Variants in MROH1 observed in about 807,000 individuals in gnomAD.
MROH1 encodes the protein maestro heat-like repeat-containing protein family member 1.
A neutral mutation model predicts 116.5 loss-of-function variants in MROH1; 117 were observed. The ratio of observed to expected loss-of-function variants is 1.00; its 90% CI spans 0.86 to 1.17. The LOEUF is 1.17. Ranked by LOEUF, MROH1 falls within the 50% of genes most tolerant of loss-of-function variation. The pLI is 0.00. For missense variants in MROH1, 1,873 were observed against 1,338.5 expected (o/e 1.40, Z -6.23); for synonymous variants, 921 against 583.9 (o/e 1.58, Z -8.32).
intron 12 of MROH1, among the ~76,000 whole-genome samples, chr8:144,209,332 G>A (rs1833578789): frequency 6.6e-6 from 1 of 151,954 alleles, no homozygotes; most frequent in Non-Finnish European, 1.5e-5. Context: ...TGTAATCCCG[G>A]CACTTTGGGA....
intron 7 of MROH1, among the ~76,000 whole-genome samples, chr8:144,185,524 G>A (rs934234697): frequency 4.8e-5 from 7 of 145,970 alleles, no homozygotes; most frequent in African/African-American, 1.8e-4. Context: ...CGGGGACCGC[G>A]GGGAGATGTG....
At chr8:144,244,024 G>A (rs1308510664) in intron 26 of MROH1, 82 bp downstream of exon 26, 12 of 739,708 alleles carry the variant, frequency 1.6e-5, no homozygotes, top group African/African-American at 6.9e-5. Context: ...ACGTGTATGC[G>A]CGTGTGCATG....
At chr8:144,242,115 G>A (rs1231850635) in intron 22 of MROH1, 11 of 585,084 alleles carry the variant, frequency 1.9e-5, no homozygotes, top group South Asian at 1.2e-4. Context: ...CTGCTACCTC[G>A]GCCCTTGGCC....
At chr8:144,199,090 G>A in intron 10 of MROH1, 32 bp from the exon 11 acceptor site, 2 of 1,604,300 alleles carry the variant, frequency 1.2e-6, no homozygotes, top group Non-Finnish European at 1.7e-6. Flanking sequence ...TGGCCTCTCT[G>A]GTCTATAACC....
At chr8:144,170,537 G>A (rs561439132) in intron 4 of MROH1, among the ~76,000 whole-genome samples, 3 of 152,102 alleles carry the variant, frequency 2.0e-5, no homozygotes, top group Non-Finnish European at 2.9e-5. Flanking sequence ...TTTGCACTTC[G>A]CTTGATTGCG....
intron 37 of MROH1, among the ~76,000 whole-genome samples, chr8:144,259,592 A>G (rs918831947): frequency 2.0e-3 from 299 of 152,302 alleles, no homozygotes; most frequent in Admixed American, 5.2e-3. Flanking sequence ...ACTCTCCCCA[A>G]GTCCAGCTGG....
intron 5 of MROH1, among the ~76,000 whole-genome samples, chr8:144,179,817 G>A (rs956399908): frequency 1.3e-5 from 2 of 152,302 alleles, no homozygotes; most frequent in Admixed American, 6.5e-5. Flanking sequence ...CTCAGCACAC[G>A]CAGGACCGTG....
intron 14 of MROH1, among the ~76,000 whole-genome samples, chr8:144,232,451 T>C (rs1554823151): frequency 6.6e-6 from 1 of 152,034 alleles, no homozygotes; most frequent in Non-Finnish European, 1.5e-5. Flanking sequence ...TATGGTAGAT[T>C]AGATTGAGTG....
At chr8:144,198,192 T>C (rs1268038857) in intron 10 of MROH1, among the ~76,000 whole-genome samples, 1 of 152,206 alleles carries the variant, frequency 6.6e-6, no homozygotes, top group African/African-American at 2.4e-5. Flanking sequence ...CCTGTGGGCC[T>C]GGGGCCTTTG....
At chr8:144,186,040 C>T (rs1408273432) in intron 7 of MROH1, among the ~76,000 whole-genome samples, 1 of 151,976 alleles carries the variant, frequency 6.6e-6, no homozygotes, top group African/African-American at 2.4e-5. Flanking sequence ...GGCAGTGCTC[C>T]GTGGGCTCCG....
At chr8:144,237,463 CTT>C (rs1840251119) in intron 14 of MROH1, among the ~76,000 whole-genome samples, 1 of 152,218 alleles carries the variant, frequency 6.6e-6, no homozygotes, top group Non-Finnish European at 1.5e-5. Flanking sequence ...CTATTGGTCT[CTT>C]GTTTCTGGGA....
At chr8:144,239,826 C>T (rs1840663378) in intron 18 of MROH1, 71 bp downstream of exon 18, 2 of 705,196 alleles carry the variant, frequency 2.8e-6, no homozygotes, top group Non-Finnish European at 2.6e-6. Flanking sequence ...AGGGTGCTAG[C>T]TCTGACCCCA....
At chr8:144,184,189 G>A (rs1021811042) in intron 7 of MROH1, among the ~76,000 whole-genome samples, 1 of 152,212 alleles carries the variant, frequency 6.6e-6, no homozygotes, top group Non-Finnish European at 1.5e-5. Flanking sequence ...AAGCTGAGAC[G>A]TTAGCCGTGT....
intron 12 of MROH1, among the ~76,000 whole-genome samples, chr8:144,214,782 C>T (rs529045344): frequency 1.3e-5 from 2 of 152,160 alleles, no homozygotes; most frequent in African/African-American, 4.8e-5. Flanking sequence ...TATTAGGGTT[C>T]TCTAGAGGGA....
At chr8:144,260,552 C>G in intron 39 of MROH1, 125 bp from the exon 40 acceptor site, 2 of 756,616 alleles carry the variant, frequency 2.6e-6, no homozygotes, top group African/African-American at 3.4e-5. Flanking sequence ...CCCGTAAGGC[C>G]CCCACCCGTC....
At chr8:144,235,526 T>A (rs1763874616) in intron 14 of MROH1, among the ~76,000 whole-genome samples, 3 of 152,236 alleles carry the variant, frequency 2.0e-5, no homozygotes. Context: ...CTTCTAGTCC[T>A]GCTTTGCTGA....
intron 1 of MROH1, among the ~76,000 whole-genome samples, chr8:144,158,079 G>A (rs1291191385): frequency 1.0e-4 from 14 of 140,316 alleles, no homozygotes; most frequent in East Asian, 4.3e-4. Context: ...TGCAAACTCC[G>A]CCCCCTGGGT....
intron 35 of MROH1, among the ~76,000 whole-genome samples, chr8:144,256,101 CA>C (rs1466233770): frequency 2.0e-5 from 3 of 152,178 alleles, no homozygotes; most frequent in Admixed American, 2.0e-4. Context: ...GAAACTGCCC[CA>C]GCAGAGCGGC....
At chr8:144,161,123 C>A (rs1819421900) in intron 2 of MROH1, 34 bp downstream of exon 2, 1 of 152,596 alleles carries the variant, frequency 6.6e-6, no homozygotes, top group South Asian at 2.1e-4. Flanking sequence ...TTTCTCCTCC[C>A]CGCTCTTCTG....
Sources: allele counts gnomAD v4.1 joint callset (sites outside exome capture counted in the v4.1 genomes callset), GRCh38; gene constraint gnomAD v4.1.1; transcripts MANE v1.5; gene names NCBI Gene and HGNC (gene_info 2026-07-23, HGNC 2026-07-21).